The following BOC variants were observed in gnomAD, a reference collection of about 807,000 sequenced individuals.
BOC encodes the protein BOC cell adhesion associated, oncogene regulated.
A neutral mutation model predicts 112.0 loss-of-function variants in BOC; 76 were observed. That is an observed-to-expected ratio of 0.68 (90% CI 0.56 to 0.82). The LOEUF is 0.82. Among genes scored for constraint, BOC ranks in the 40% least tolerant of loss-of-function variants. BOC has a pLI of 0.00. For missense variants in BOC, 1,309 were observed against 1,511.7 expected (o/e 0.87, Z 2.22); for synonymous variants, 580 against 599.8 (o/e 0.97, Z 0.48).
chr3:113,232,202 T>G (rs1029178125), intron 2 of BOC, among the ~76,000 whole-genome samples: 3 of 152,132 alleles, frequency 2.0e-5, no homozygotes, highest in Non-Finnish European at 4.4e-5. Flanking sequence ...AGGCTCCATG[T>G]GTTTGTTTTC....
chr3:113,237,359 G>A (rs187535875), intron 2 of BOC, among the ~76,000 whole-genome samples: 19 of 152,112 alleles, frequency 1.2e-4, no homozygotes, highest in African/African-American at 3.4e-4. Context: ...TGAACCTGTC[G>A]TCTTTCTCAC....
intron 2 of BOC, among the ~76,000 whole-genome samples, chr3:113,216,797 G>A (rs1939470027): frequency 6.6e-6 from 1 of 152,156 alleles, no homozygotes; most frequent in Non-Finnish European, 1.5e-5. Flanking sequence ...AGGATTATTG[G>A]GCAGTAAGAG....
chr3:113,233,148 G>GGGGGGTGTGTGTGT (rs75678874), intron 2 of BOC, among the ~76,000 whole-genome samples: 7 of 123,960 alleles, frequency 5.6e-5, no homozygotes, highest in African/African-American at 2.2e-4. Flanking sequence ...AAAGGATTGG[G>GGGGGGTGTGTGTGT]GTGTGTGTGT....
intron 4 of BOC, among the ~76,000 whole-genome samples, chr3:113,257,255 A>G (rs1238923553): frequency 6.6e-6 from 1 of 152,226 alleles, no homozygotes; most frequent in Admixed American, 6.5e-5. Flanking sequence ...TTATGGAGCC[A>G]TGAGCTCCAT....
rs374847428 is a variant in BOC at position 113,280,351 on chromosome 3, C to T, written c.2206-207C>T. On this transcript the variant is annotated intron_variant, in intron 13 of 19. Coordinates refer to ENST00000682979, the MANE Select transcript of BOC (RefSeq NM_001378074.1). ...GCAATTTGTTTCTTCTCTTCAAAAG[C>T]TTAGGGACCTCTAGGCTAAATAAAA... Among the ~76,000 whole-genome samples the T allele has an allele frequency of 2.6e-5, 4 of 152,130 alleles. No homozygotes were observed. In the East Asian group the frequency reaches 5.8e-4, roughly 22 times the overall value.
At chr3:113,241,534 CTAG>C (rs1944295318) in intron 2 of BOC, among the ~76,000 whole-genome samples, 1 of 152,056 alleles carries the variant, frequency 6.6e-6, no homozygotes, top group African/African-American at 2.4e-5. Flanking sequence ...CCCAACCTCT[CTAG>C]ATTAGAACTC....
At chr3:113,258,487 C>T (rs1261601699) in intron 4 of BOC, among the ~76,000 whole-genome samples, 2 of 152,202 alleles carry the variant, frequency 1.3e-5, no homozygotes, top group Non-Finnish European at 2.9e-5. Flanking sequence ...TCCCCACTTC[C>T]GCCCCCGTCT....
intron 19 of BOC, 148 bp from the exon 20 acceptor site, chr3:113,286,527 A>C (rs1949713436): frequency 1.4e-6 from 1 of 693,804 alleles, no homozygotes; most frequent in Non-Finnish European, 2.3e-6. Flanking sequence ...AGGGAACAGA[A>C]GTGCCCTTGT....
intron 2 of BOC, among the ~76,000 whole-genome samples, chr3:113,217,317 G>C (rs965471368): frequency 3.3e-5 from 5 of 152,174 alleles, no homozygotes; most frequent in African/African-American, 1.2e-4. Flanking sequence ...GGAGTTCCAG[G>C]CCAGCCTGGG....
At chr3:113,251,500 CT>C (rs1004756580) in intron 4 of BOC, 15 of 151,012 alleles carry the variant, frequency 9.9e-5, no homozygotes, top group South Asian at 6.3e-4. Context: ...TTCACACTAC[CT>C]TTTTTTTTTC....
chr3:113,235,521 C>T (rs1466615113), intron 2 of BOC, among the ~76,000 whole-genome samples: 1 of 152,070 alleles, frequency 6.6e-6, no homozygotes, highest in East Asian at 1.9e-4. Flanking sequence ...TTCCTTTTTC[C>T]CTCTGAGCAA....
At chr3:113,283,716 C>T in intron 16 of BOC, 84 bp downstream of exon 16, 2 of 1,333,924 alleles carry the variant, frequency 1.5e-6, no homozygotes, top group East Asian at 2.3e-5. Context: ...GGTCTGTGTC[C>T]ATGGAAAGCT....
At chr3:113,236,256 GTGTGTGTGTGTA>G (rs1368921669) in intron 2 of BOC, among the ~76,000 whole-genome samples, 765 of 37,054 alleles carry the variant, frequency 0.021, 41 homozygotes, top group African/African-American at 0.053. Flanking sequence ...GTGTGTGTGT[GTGTGTGTGTGTA>G]TATATACCCA....
chr3:113,214,388 G>A (rs555590487), intron 1 of BOC, among the ~76,000 whole-genome samples: 44 of 152,242 alleles, frequency 2.9e-4, no homozygotes, highest in Admixed American at 4.6e-4. Context: ...GACCCCCCAC[G>A]GTTTGAAAAA....
At chr3:113,281,310 A>T (rs190183387) in intron 15 of BOC, among the ~76,000 whole-genome samples, 157 bp downstream of exon 15, 1 of 152,234 alleles carries the variant, frequency 6.6e-6, no homozygotes, top group Admixed American at 6.5e-5. Flanking sequence ...CTCTCTACTC[A>T]TTTGTCTGTG....
At position 113,278,580 on chromosome 3, in the gene BOC, C is replaced by A. The variant is rs1948881265; in HGVS notation, c.1706-93C>A. The A allele has an allele frequency of 3.5e-6, 4 of 1,132,128 alleles. No individual in the cohort carries two copies. Among genetic ancestry groups the A allele is most frequent in the Non-Finnish European group, 2.6e-6 (2 of 777,052 alleles). 70.1% of individuals were successfully genotyped at this position (1,132,128 alleles called of 1,614,324 possible). ...TGCTTATTTGCATCACTTTGTCATG[C>A]CGCTTAGCAGAGTCTCAGGCAAAAA... On this transcript the variant is annotated intron_variant, in intron 10 of 19. Coordinates refer to ENST00000682979, the MANE Select transcript of BOC (RefSeq NM_001378074.1). The surrounding 1 kb of genome is among the most constrained non-coding windows in gnomAD (Gnocchi z 4.2).
Position 113,274,791 on chromosome 3 carries a change from C to T in BOC, c.1542+109C>T, listed in dbSNP as rs368152895. 75 of 1,146,612 alleles carry T rather than the reference C, an allele frequency of 6.5e-5. No homozygotes were observed. In the Middle Eastern group the frequency reaches 9.1e-4, roughly 14 times the overall value. The allele number at this position is 1,146,612 out of a possible 1,614,324, so 71.0% of individuals were successfully genotyped here. ...CCCCTTGAGCTCCTGAAGCCTGAGC[C>T]GGTAATCCCCACCACTAAACAGGCC... On this transcript the variant is annotated intron_variant, in intron 9 of 19. Transcript: ENST00000682979. This position sits in a 1 kb window ranked among gnomAD's most constrained non-coding sequence, Gnocchi z 4.8.
In BOC at chr3:113,283,418, G is replaced by C; in HGVS notation, c.2442G>C (p.Lys814Asn). The part of the protein sequence containing the change: ...NVMICETKAR[K>N]SSGQPGRLPP... ...TTTTGTCCACAATTACAGCTCGGAA[G>C]TCTTCTGGCCAGCCTGGTCGACTGC... Residue 814 changes from lysine (K) to asparagine (N), a missense_variant, in exon 16 of 20, where the codon AAG becomes AAC. Coordinates refer to ENST00000682979, the MANE Select transcript of BOC (RefSeq NM_001378074.1). 1.3e-6 allele frequency: 2 copies of C among 1,597,098 alleles called. No homozygotes were observed. Among genetic ancestry groups the C allele is most frequent in the Non-Finnish European group, 1.7e-6 (2 of 1,166,964 alleles).
intron 2 of BOC, among the ~76,000 whole-genome samples, chr3:113,221,597 C>T (rs1940672208): frequency 1.3e-5 from 2 of 152,210 alleles, no homozygotes; most frequent in African/African-American, 2.4e-5. Flanking sequence ...ATTGGCCTTA[C>T]CTTCAAAATG....
Sources: allele counts gnomAD v4.1 joint callset (sites outside exome capture counted in the v4.1 genomes callset), GRCh38; gene constraint gnomAD v4.1.1; non-coding constraint Gnocchi (gnomAD v3.1); transcripts MANE v1.5; gene names NCBI Gene and HGNC (gene_info 2026-07-23, HGNC 2026-07-21).